The following EXOC4 variants were observed in gnomAD, a reference collection of about 807,000 sequenced individuals.
The protein encoded by EXOC4 is SEC8-like 1.
A neutral mutation model predicts 107.2 loss-of-function variants in EXOC4; 71 were observed. The observed-to-expected ratio is 0.66, with a 90% confidence interval of 0.55 to 0.81. The LOEUF (loss-of-function observed/expected upper bound fraction) is 0.81, where lower values mean the gene tolerates loss of function less well. EXOC4 is among the 30% of genes least tolerant of loss of function. EXOC4 has a pLI of 0.00. For missense variants in EXOC4, 1,108 were observed against 1,189.6 expected (o/e 0.93, Z 1.01); for synonymous variants, 456 against 441.2 (o/e 1.03, Z -0.42).
chr7:133,842,253 A>G (rs956436474), intron 11 of EXOC4, among the ~76,000 whole-genome samples: 3 of 152,226 alleles, frequency 2.0e-5, no homozygotes, highest in Non-Finnish European at 2.9e-5. Flanking sequence ...TGGAAGAACT[A>G]TTTTACATTT....
intron 10 of EXOC4, 57 bp downstream of exon 10, chr7:133,630,198 G>A: frequency 7.4e-7 from 1 of 1,342,858 alleles, no homozygotes; most frequent in Non-Finnish European, 1.1e-6. Context: ...TATTTATGCT[G>A]GTCTACTGAA....
At chr7:133,414,694 A>G (rs1408477919) in intron 7 of EXOC4, among the ~76,000 whole-genome samples, 1 of 152,162 alleles carries the variant, frequency 6.6e-6, no homozygotes, top group East Asian at 1.9e-4. Flanking sequence ...AGTATATAAT[A>G]TATGTAATGT....
At chr7:133,383,894 A>G (rs1796671557) in intron 7 of EXOC4, among the ~76,000 whole-genome samples, 1 of 152,170 alleles carries the variant, frequency 6.6e-6, no homozygotes, top group Non-Finnish European at 1.5e-5. Flanking sequence ...AATCTCCACA[A>G]AAGTGCTTGC....
chr7:133,434,439 C>T (rs754297517), intron 7 of EXOC4, among the ~76,000 whole-genome samples: 5 of 152,058 alleles, frequency 3.3e-5, no homozygotes, highest in Non-Finnish European at 7.4e-5. Flanking sequence ...ATGATCTTTC[C>T]CTTTGCTCTG....
chr7:133,995,561 C>T (rs755826993), intron 14 of EXOC4, among the ~76,000 whole-genome samples: 10 of 152,100 alleles, frequency 6.6e-5, no homozygotes, highest in Non-Finnish European at 1.0e-4. Flanking sequence ...TTAATGCTAA[C>T]GTTAGAGAGG....
At chr7:133,604,190 C>T (rs920691105) in intron 9 of EXOC4, among the ~76,000 whole-genome samples, 4 of 152,178 alleles carry the variant, frequency 2.6e-5, no homozygotes, top group Admixed American at 1.3e-4. Flanking sequence ...ATAACAGTGC[C>T]TTCTTCTGGA....
intron 10 of EXOC4, among the ~76,000 whole-genome samples, chr7:133,685,247 G>C (rs1794271335): frequency 1.3e-5 from 2 of 152,148 alleles, no homozygotes; most frequent in Admixed American, 6.5e-5. Context: ...GAGAGACCAG[G>C]TGGAGGTCAT....
chr7:133,350,275 G>T (rs558889818), intron 5 of EXOC4, among the ~76,000 whole-genome samples: 4 of 152,068 alleles, frequency 2.6e-5, no homozygotes, highest in Admixed American at 2.6e-4. Flanking sequence ...CTTTTGCCCT[G>T]TGTTTTCTTC....
intron 7 of EXOC4, among the ~76,000 whole-genome samples, chr7:133,461,195 G>A (rs979547791): frequency 5.3e-5 from 8 of 152,142 alleles, no homozygotes; most frequent in Non-Finnish European, 8.8e-5. Context: ...AGGAGGCTGC[G>A]ATGAATTCGG....
At chr7:133,772,699 G>A (rs2151164091) in intron 10 of EXOC4, among the ~76,000 whole-genome samples, 1 of 152,132 alleles carries the variant, frequency 6.6e-6, no homozygotes, top group Admixed American at 6.6e-5. Flanking sequence ...AACATTTTAA[G>A]CATTCTCAGA....
intron 7 of EXOC4, among the ~76,000 whole-genome samples, chr7:133,441,155 A>G (rs902091077): frequency 1.3e-5 from 2 of 152,208 alleles, no homozygotes; most frequent in Admixed American, 1.3e-4. Flanking sequence ...GTTACAGGAA[A>G]GTAGAGATCA....
At chr7:133,390,926 TG>T (rs1257312713) in intron 7 of EXOC4, among the ~76,000 whole-genome samples, 1 of 152,202 alleles carries the variant, frequency 6.6e-6, no homozygotes, top group Non-Finnish European at 1.5e-5. Context: ...TGTAATTCAG[TG>T]AAGCATTGAA....
chr7:133,743,702 T>C (rs538379043), intron 10 of EXOC4, among the ~76,000 whole-genome samples: 3 of 152,320 alleles, frequency 2.0e-5, no homozygotes, highest in African/African-American at 7.2e-5. Flanking sequence ...CATTGTTCTT[T>C]ATGGACATAA....
chr7:134,027,785 C>T (rs978321025), intron 17 of EXOC4, among the ~76,000 whole-genome samples: 4 of 151,964 alleles, frequency 2.6e-5, no homozygotes, highest in African/African-American at 9.7e-5. Flanking sequence ...TGGCTCAGAT[C>T]ACTAGATCGT....
At chr7:133,818,677 T>C in intron 11 of EXOC4, among the ~76,000 whole-genome samples, 1 of 152,170 alleles carries the variant, frequency 6.6e-6, no homozygotes, top group East Asian at 1.9e-4. Flanking sequence ...ACGTGCTTGC[T>C]CTTCCTTCTG....
intron 1 of EXOC4, among the ~76,000 whole-genome samples, chr7:133,266,191 G>A (rs1031561459): frequency 3.3e-5 from 5 of 152,112 alleles, no homozygotes; most frequent in Admixed American, 2.6e-4. Flanking sequence ...CTGTCACATG[G>A]CCTTTGCTGT....
chr7:133,683,941 A>G (rs1794240733), intron 10 of EXOC4, among the ~76,000 whole-genome samples: 1 of 152,242 alleles, frequency 6.6e-6, no homozygotes, highest in African/African-American at 2.4e-5. Flanking sequence ...AAAATTAAGC[A>G]TAGCATATTG....
intron 10 of EXOC4, among the ~76,000 whole-genome samples, chr7:133,791,196 G>C (rs775289843): frequency 6.6e-5 from 10 of 152,192 alleles, no homozygotes; most frequent in African/African-American, 2.4e-4. Context: ...GCAGCTGCCT[G>C]TTTAGGCTAC....
At position 133,640,769 on chromosome 7, in the gene EXOC4, G is replaced by A. The variant is rs182281442; in HGVS notation, c.1514+10628G>A. 3.2e-4 allele frequency among the ~76,000 whole-genome samples: 48 copies of A among 152,270 alleles called. 1 individual carries two copies. Among genetic ancestry groups the A allele is most frequent in the Admixed American group, 2.7e-3 (41 of 15,298 alleles). On this transcript the variant is annotated intron_variant, in intron 10 of 17. Coordinates refer to ENST00000253861, the MANE Select transcript of EXOC4 (RefSeq NM_021807.4). ...AAAAGATAATTGGCAATTAACATGA[G>A]TTGCTACTTTTATTAAAGAAAAGGG... is the stretch of plus-strand genomic sequence containing the variant.
Sources: allele counts gnomAD v4.1 joint callset (sites outside exome capture counted in the v4.1 genomes callset), GRCh38; gene constraint gnomAD v4.1.1; transcripts MANE v1.5; gene names NCBI Gene and HGNC (gene_info 2026-07-23, HGNC 2026-07-21).